Variants in CYP7B1 observed in about 807,000 individuals in gnomAD.
CYP7B1 encodes the protein cytochrome P450 7B1.
A neutral mutation model predicts 42.7 loss-of-function variants in CYP7B1; 29 were observed. The observed-to-expected ratio is 0.68, with a 90% confidence interval of 0.51 to 0.93. CYP7B1 has a LOEUF of 0.93. CYP7B1 is among the 40% of genes least tolerant of loss of function. CYP7B1 has a pLI of 0.00. For missense variants in CYP7B1, 655 were observed against 600.5 expected, an observed-to-expected ratio of 1.09 and a Z score of -0.95; for synonymous variants, 235 against 218.2, an observed-to-expected ratio of 1.08 and a Z score of -0.68.
chr8:64,733,650 T>A (rs1807445945), intron 1 of CYP7B1, among the ~76,000 whole-genome samples: 1 of 152,098 alleles, frequency 6.6e-6, no homozygotes, highest in Non-Finnish European at 1.5e-5. Flanking sequence ...ACTTGGAAAT[T>A]TCTACTCAGC....
intron 2 of CYP7B1, among the ~76,000 whole-genome samples, chr8:64,624,070 A>C (rs965399945): frequency 6.6e-6 from 1 of 152,096 alleles, no homozygotes; most frequent in African/African-American, 2.4e-5. Context: ...ACAAATAAAG[A>C]GCATTAATTT....
chr8:64,708,866 T>C (rs1459722904), intron 1 of CYP7B1, among the ~76,000 whole-genome samples: 3 of 152,214 alleles, frequency 2.0e-5, no homozygotes, highest in Non-Finnish European at 4.4e-5. Flanking sequence ...CGTATAAGCA[T>C]GTTAGAGGGG....
At position 64,599,358 on chromosome 8, in the gene CYP7B1, T is replaced by C. The variant is rs192946106; in HGVS notation, c.1234-2429A>G. On this transcript the variant is annotated intron_variant, in intron 5 of 5. Transcript: ENST00000310193. Reference sequence around the variant, plus strand: ...CGCCCACCACCACGCCCGGCTAATTTTTTGTATTATTAGTAGAGATGGGGT... The same window carrying C: ...CGCCCACCACCACGCCCGGCTAATTCTTTGTATTATTAGTAGAGATGGGGT... 6.8e-3 allele frequency among the ~76,000 whole-genome samples: 1,037 copies of C among 152,100 alleles called. 5 individuals are homozygous for C. The highest frequency in any genetic ancestry group is 0.011 in the Non-Finnish European group (754 of 68,000).
At chr8:64,702,335 G>A (rs1490145739) in intron 1 of CYP7B1, among the ~76,000 whole-genome samples, 1 of 152,042 alleles carries the variant, frequency 6.6e-6, no homozygotes, top group Admixed American at 6.6e-5. Flanking sequence ...GTTATAAAAT[G>A]AGATTTCACT....
intron 1 of CYP7B1, among the ~76,000 whole-genome samples, chr8:64,642,207 T>G (rs779485304): frequency 2.6e-5 from 4 of 152,138 alleles, no homozygotes; most frequent in Non-Finnish European, 4.4e-5. Flanking sequence ...TAACTAAAAG[T>G]CACAAAATGA....
intron 4 of CYP7B1, among the ~76,000 whole-genome samples, chr8:64,610,416 G>T (rs965792047): frequency 6.6e-6 from 1 of 152,098 alleles, no homozygotes; most frequent in African/African-American, 2.4e-5. Context: ...TTAGAAGAGA[G>T]GATGTTGCAA....
chr8:64,626,582 C>CA (rs1004402775), intron 1 of CYP7B1, among the ~76,000 whole-genome samples: 6 of 152,102 alleles, frequency 3.9e-5, no homozygotes, highest in Non-Finnish European at 5.9e-5. Flanking sequence ...TTTTAACATA[C>CA]AAAAAATCCT....
At position 64,671,432 on chromosome 8, in the gene CYP7B1, C is replaced by T. The variant is rs545283914; in HGVS notation, c.123-46893G>A. On this transcript the variant is annotated intron_variant, in intron 1 of 5. Transcript: ENST00000310193. ...ATGAAGTACTTCATTCACAATTTTG[C>T]GTAGAACTCCAAGGCAATGGAATGA... 2.6e-4 allele frequency among the ~76,000 whole-genome samples: 40 copies of T among 152,162 alleles called. 1 individual carries two copies. The South Asian group carries it at 6.7e-3, about 25-fold the overall frequency.
chr8:64,713,167 C>T (rs1585871905), intron 1 of CYP7B1, among the ~76,000 whole-genome samples: 2 of 152,200 alleles, frequency 1.3e-5, no homozygotes, highest in African/African-American at 4.8e-5. Context: ...GTATATGAGA[C>T]TTGTCAAATG....
intron 2 of CYP7B1, among the ~76,000 whole-genome samples, chr8:64,619,129 A>T (rs1446352543): frequency 6.6e-6 from 1 of 152,216 alleles, no homozygotes; most frequent in African/African-American, 2.4e-5. Flanking sequence ...AATTTAAACC[A>T]TCTGTCCACC....
intron 1 of CYP7B1, among the ~76,000 whole-genome samples, chr8:64,718,735 C>T (rs577738594): frequency 2.0e-5 from 3 of 152,220 alleles, no homozygotes; most frequent in African/African-American, 4.8e-5. Flanking sequence ...ACTAGGTCCC[C>T]GTAGAATGGC....
intron 1 of CYP7B1, among the ~76,000 whole-genome samples, chr8:64,702,248 T>C (rs1170513743): frequency 2.0e-5 from 3 of 152,056 alleles, no homozygotes; most frequent in Admixed American, 2.0e-4. Context: ...AAAACACTTC[T>C]AGAGGGTAAA....
chr8:64,680,241 C>A (rs1806515855), intron 1 of CYP7B1, among the ~76,000 whole-genome samples: 1 of 151,872 alleles, frequency 6.6e-6, no homozygotes, highest in East Asian at 1.9e-4. Flanking sequence ...CTTCATTTTT[C>A]TCCCCAGTGT....
intron 1 of CYP7B1, among the ~76,000 whole-genome samples, chr8:64,651,927 G>C (rs529998004): frequency 2.0e-5 from 3 of 152,252 alleles, no homozygotes; most frequent in Admixed American, 6.5e-5. Context: ...TAATAATACT[G>C]TTTACGTTGC....
intron 1 of CYP7B1, among the ~76,000 whole-genome samples, chr8:64,672,186 T>C (rs1309405276): frequency 6.6e-6 from 1 of 152,182 alleles, no homozygotes; most frequent in Non-Finnish European, 1.5e-5. Flanking sequence ...TTCAGGTAAC[T>C]AAGAAACAAG....
downstream of CYP7B1, among the ~76,000 whole-genome samples, chr8:64,586,974 A>T (rs1241263233): frequency 6.6e-6 from 1 of 152,216 alleles, no homozygotes; most frequent in African/African-American, 2.4e-5. Context: ...CAGTAACTTC[A>T]GTTTAACAGT....
chr8:64,748,837 G>A (rs1465520216), intron 1 of CYP7B1, among the ~76,000 whole-genome samples: 1 of 152,120 alleles, frequency 6.6e-6, no homozygotes, highest in Non-Finnish European at 1.5e-5. Context: ...TGAGCATTGT[G>A]CCAGGCAGAG....
At chr8:64,781,830 C>A (rs1585911648) in intron 1 of CYP7B1, among the ~76,000 whole-genome samples, 1 of 152,122 alleles carries the variant, frequency 6.6e-6, no homozygotes, top group Non-Finnish European at 1.5e-5. Context: ...TTCTGCCTAT[C>A]ACAGTCTAAT....
intron 1 of CYP7B1, among the ~76,000 whole-genome samples, chr8:64,686,916 G>A (rs1429627638): frequency 8.9e-6 from 1 of 112,414 alleles, no homozygotes; most frequent in East Asian, 2.2e-4. Flanking sequence ...TTGTTAAACA[G>A]ATGCTTGAAG....
Sources: gnomAD v4.1 joint callset for allele counts (sites outside exome capture counted in the v4.1 genomes callset) on GRCh38, gnomAD v4.1.1 for gene constraint, MANE v1.5 for transcripts, NCBI Gene and HGNC (gene_info 2026-07-23, HGNC 2026-07-21) for gene names.